The following NELL1 variants were observed in gnomAD, a reference collection of about 807,000 sequenced individuals.
NELL1 encodes the protein neural EGFL like 1.
Under a neutral mutation model 107.4 loss-of-function variants are expected in NELL1, and 76 were observed. That is an observed-to-expected ratio of 0.71 (90% CI 0.59 to 0.86). NELL1 has a LOEUF of 0.86. Ranked by LOEUF, NELL1 falls within the 40% of genes least tolerant of loss-of-function variation. The probability of loss-of-function intolerance (pLI) is 0.00; values close to 1 mark genes in which losing one functional copy is unlikely to be tolerated. For missense variants in NELL1, 1,024 were observed against 1,005.5 expected (o/e 1.02, Z -0.25); for synonymous variants, 353 against 341.2 (o/e 1.03, Z -0.38).
At chr11:21,537,902 C>T (rs1564948469) in intron 16 of NELL1, among the ~76,000 whole-genome samples, 1 of 152,014 alleles carries the variant, frequency 6.6e-6, no homozygotes, top group Admixed American at 6.6e-5. Context: ...TTATTGAGAA[C>T]AACCATCATA....
intron 13 of NELL1, among the ~76,000 whole-genome samples, chr11:21,173,099 A>G (rs543910509): frequency 1.8e-4 from 27 of 151,794 alleles, no homozygotes; most frequent in Non-Finnish European, 2.8e-4. Context: ...AGCTCTCCCT[A>G]TGCATTTCAA....
At chr11:20,724,763 T>G (rs1361883478) in intron 2 of NELL1, among the ~76,000 whole-genome samples, 1 of 152,176 alleles carries the variant, frequency 6.6e-6, no homozygotes, top group Non-Finnish European at 1.5e-5. Context: ...CAAAGTCCCT[T>G]CCACATTTTC....
intron 15 of NELL1, 25 bp downstream of exon 15, chr11:21,370,973 A>T (rs755709651): frequency 6.6e-7 from 1 of 1,521,472 alleles, no homozygotes; most frequent in Admixed American, 1.7e-5. Context: ...TTTATGGGGG[A>T]TAGGGACAAA....
At chr11:21,239,134 A>AT (rs1247222121) in intron 14 of NELL1, among the ~76,000 whole-genome samples, 1 of 151,920 alleles carries the variant, frequency 6.6e-6, no homozygotes, top group Non-Finnish European at 1.5e-5. Context: ...ATCCACTGAA[A>AT]TTTTTCTCCT....
intron 3 of NELL1, among the ~76,000 whole-genome samples, chr11:20,800,367 A>G (rs1205315384): frequency 6.6e-6 from 1 of 152,138 alleles, no homozygotes; most frequent in East Asian, 1.9e-4. Context: ...GTTATTTTTG[A>G]CATTTAAAAA....
intron 15 of NELL1, among the ~76,000 whole-genome samples, chr11:21,377,563 A>G (rs901826350): frequency 2.6e-5 from 4 of 152,056 alleles, no homozygotes; most frequent in African/African-American, 9.7e-5. Flanking sequence ...TCTTTGTAGA[A>G]TGAGTTAGGG....
At chr11:20,721,181 G>GTGTATATATATA (rs1554906545) in intron 2 of NELL1, among the ~76,000 whole-genome samples, 3 of 125,850 alleles carry the variant, frequency 2.4e-5, no homozygotes, top group Admixed American at 7.9e-5. Context: ...TATATTTTGT[G>GTGTATATATATA]TATATATATA....
At chr11:21,228,508 G>T (rs374244608) in intron 13 of NELL1, among the ~76,000 whole-genome samples, 2 of 152,080 alleles carry the variant, frequency 1.3e-5, no homozygotes, top group Non-Finnish European at 2.9e-5. Context: ...CCTACTCTCA[G>T]CACAATCCTG....
chr11:20,683,305 CTTTTTTTCCCCAACTTTTG>C (rs1276928694), intron 2 of NELL1, among the ~76,000 whole-genome samples: 1 of 151,910 alleles, frequency 6.6e-6, no homozygotes. Context: ...CATGTAGTTT[CTTTTTTTCCCCAACTTTTG>C]TTTTAGGTTC....
chr11:21,147,045 A>G (rs905264131), intron 13 of NELL1, among the ~76,000 whole-genome samples: 12 of 152,178 alleles, frequency 7.9e-5, no homozygotes, highest in African/African-American at 2.9e-4. Context: ...CTCCTTCTCA[A>G]AAGAAGAGTA....
intron 16 of NELL1, among the ~76,000 whole-genome samples, chr11:21,542,004 G>GT (rs1856303714): frequency 6.6e-6 from 1 of 152,040 alleles, no homozygotes; most frequent in Non-Finnish European, 1.5e-5. Context: ...TGGAGTAATC[G>GT]TGACAATTAA....
At chr11:20,817,365 G>C (rs1292097859) in intron 3 of NELL1, among the ~76,000 whole-genome samples, 2 of 152,046 alleles carry the variant, frequency 1.3e-5, no homozygotes, top group Non-Finnish European at 2.9e-5. Flanking sequence ...TTCAATCCTG[G>C]GAAGTTGTGT....
Position 20,836,501 on chromosome 11 carries a change from G to T in NELL1, c.336-11082G>T, listed in dbSNP as rs550419288. Among the ~76,000 whole-genome samples the T allele has an allele frequency of 2.3e-3, 345 of 152,098 alleles. 2 individuals are homozygous for T. The highest frequency in any genetic ancestry group is 4.1e-3 in the Non-Finnish European group (278 of 67,950). On this transcript the variant is annotated intron_variant, in intron 3 of 19. Coordinates refer to ENST00000357134, the MANE Select transcript of NELL1 (RefSeq NM_006157.5). ...TTTTCACAAAAAATCCTGCAAACAG[G>T]AAGCAACCAAGTCCTTCAATAAGTA...
chr11:21,080,592 A>G (rs1010504344), intron 12 of NELL1, among the ~76,000 whole-genome samples: 5 of 152,050 alleles, frequency 3.3e-5, no homozygotes, highest in African/African-American at 7.2e-5. Flanking sequence ...CTATTGGTGA[A>G]TCTTTTAGGT....
chr11:20,686,050 A>G (rs870193), intron 2 of NELL1, among the ~76,000 whole-genome samples: 130,518 of 151,972 alleles, frequency 0.86, 56,473 homozygotes, highest in African/African-American at 0.89. Flanking sequence ...CAATGACTAC[A>G]TATGGGAAAG....
chr11:21,105,063 G>C (rs765178112), intron 12 of NELL1, among the ~76,000 whole-genome samples: 4 of 151,764 alleles, frequency 2.6e-5, no homozygotes, highest in Admixed American at 6.6e-5. Flanking sequence ...TATGAATTTG[G>C]GGGGGACACA....
intron 5 of NELL1, among the ~76,000 whole-genome samples, chr11:20,897,526 A>C (rs555902943): frequency 2.0e-5 from 3 of 152,330 alleles, no homozygotes; most frequent in South Asian, 4.1e-4. Context: ...TCATGTCTAA[A>C]ACACCAAAAG....
intron 4 of NELL1, among the ~76,000 whole-genome samples, chr11:20,868,630 T>C (rs941595058): frequency 6.6e-6 from 1 of 152,144 alleles, no homozygotes; most frequent in Admixed American, 6.5e-5. Context: ...ACATGAATTA[T>C]ATGAATGAGT....
chr11:20,897,949 G>T (rs1428076124), intron 5 of NELL1, among the ~76,000 whole-genome samples: 1 of 152,118 alleles, frequency 6.6e-6, no homozygotes, highest in African/African-American at 2.4e-5. Flanking sequence ...TGTAGAAATG[G>T]GAACACTTTT....
Sources: allele counts gnomAD v4.1 joint callset (sites outside exome capture counted in the v4.1 genomes callset), GRCh38; gene constraint gnomAD v4.1.1; transcripts MANE v1.5; gene names NCBI Gene and HGNC (gene_info 2026-07-23, HGNC 2026-07-21).